The following EGF variants were observed in gnomAD, a reference collection of about 807,000 sequenced individuals.
The protein encoded by EGF is epidermal growth factor, also known as pro-epidermal growth factor.
Under a neutral mutation model 143.8 loss-of-function variants are expected in EGF, and 95 were observed. That is an observed-to-expected ratio of 0.66 (90% CI 0.56 to 0.78). EGF has a LOEUF of 0.78. Among genes scored for constraint, EGF ranks in the 30% least tolerant of loss-of-function variants. EGF has a pLI of 0.00. For missense variants in EGF, 1,320 were observed against 1,470.9 expected, an observed-to-expected ratio of 0.90 and a Z score of 1.68; for synonymous variants, 510 against 510.5, an observed-to-expected ratio of 1.00 and a Z score of 0.01.
At chr4:109,981,607 C>A (rs1227367483) in intron 15 of EGF, among the ~76,000 whole-genome samples, 1 of 151,980 alleles carries the variant, frequency 6.6e-6, no homozygotes, top group African/African-American at 2.4e-5. Flanking sequence ...CAGAAATATA[C>A]CAAAGATAAT....
intron 5 of EGF, chr4:109,959,087 A>G (rs1019509054): frequency 3.5e-6 from 2 of 563,534 alleles, no homozygotes; most frequent in Non-Finnish European, 6.2e-6. Context: ...ATCTCCAGCT[A>G]ATCAGGATGC....
Position 109,980,095 on chromosome 4 carries a change from T to G in EGF, c.2177T>G (p.Leu726Arg). The G allele has an allele frequency of 6.2e-7, 1 of 1,613,572 alleles. No individual in the cohort carries two copies. The highest frequency in any genetic ancestry group is 2.2e-5 in the East Asian group (1 of 44,856). The part of the protein sequence containing the change: ...KDRVRLQGSM[L>R]KPSSLVVVHP... ...AGAGTACGTCTCCAAGGCAGCATGC[T>G]GAAGCCCTCATCACTGGTTGTGGTT... is the stretch of plus-strand genomic sequence containing the variant. Residue 726 changes from leucine (L) to arginine (R), a missense_variant, in exon 14 of 24, where the codon CTG becomes CGG. Leu to Arg is a moderately radical substitution (Grantham distance 102). Coordinates refer to ENST00000265171, the MANE Select transcript of EGF (RefSeq NM_001963.6).
Position 109,943,445 on chromosome 4 carries a change from G to A in EGF, c.509+10G>A, listed in dbSNP as rs1347725329. ...TTGATCCAGTAGAAAGGTAAATTCTGCTGTATTCAGACATTGAAATATATT... is the reference window on the plus strand; with the variant it reads ...TTGATCCAGTAGAAAGGTAAATTCTACTGTATTCAGACATTGAAATATATT... On this transcript the variant is annotated intron_variant, in intron 3 of 23. Coordinates refer to ENST00000265171, the MANE Select transcript of EGF (RefSeq NM_001963.6). The A allele has an allele frequency of 6.2e-7, 1 of 1,609,408 alleles. No homozygotes were observed.
chr4:109,938,431 T>G (rs1385699116), intron 1 of EGF, among the ~76,000 whole-genome samples: 1 of 152,152 alleles, frequency 6.6e-6, no homozygotes, highest in Non-Finnish European at 1.5e-5. Flanking sequence ...TTTTTCAAGG[T>G]TTTTAGCTTC....
chr4:109,933,963 G>C (rs1740289324), intron 1 of EGF, among the ~76,000 whole-genome samples: 1 of 152,118 alleles, frequency 6.6e-6, no homozygotes, highest in Admixed American at 6.5e-5. Flanking sequence ...GGGTCAAATG[G>C]TATTTGTAGT....
At chr4:110,001,343 G>A (rs1163392976) in intron 21 of EGF, among the ~76,000 whole-genome samples, 1 of 152,112 alleles carries the variant, frequency 6.6e-6, no homozygotes, top group African/African-American at 2.4e-5. Context: ...AGAGTCATAT[G>A]CTCTAAGCCC....
At chr4:109,927,255 A>T (rs1738839332) in intron 1 of EGF, among the ~76,000 whole-genome samples, 1 of 152,230 alleles carries the variant, frequency 6.6e-6, no homozygotes, top group Admixed American at 6.5e-5. Flanking sequence ...ATTTTTGTTT[A>T]AAAAAGCTGT....
At chr4:109,972,309 C>A (rs1410860753) in intron 11 of EGF, among the ~76,000 whole-genome samples, 1 of 152,162 alleles carries the variant, frequency 6.6e-6, no homozygotes, top group Non-Finnish European at 1.5e-5. Flanking sequence ...AGGTGAACAC[C>A]TTGGGGGAGC....
chr4:109,952,908 A>G (rs879842281), intron 5 of EGF, among the ~76,000 whole-genome samples: 2 of 152,172 alleles, frequency 1.3e-5, no homozygotes, highest in Non-Finnish European at 1.5e-5. Flanking sequence ...AGGTTTTCAC[A>G]TGCCTGGCTG....
chr4:109,935,530 T>C lies in EGF; in HGVS notation c.128-5416T>C, dbSNP rs148197061. Among the ~76,000 whole-genome samples the C allele has an allele frequency of 5.5e-3, 844 of 152,314 alleles. 14 individuals carry two copies. The highest frequency in any genetic ancestry group is 0.019 in the African/African-American group (789 of 41,576). On this transcript the variant is annotated intron_variant, in intron 1 of 23. Transcript: ENST00000265171. Reference sequence around the variant, plus strand: ...ACAATTTGACGTCCCTTTTTCCTAATTGAATACCCTTTATTTCTTCCTCTT... The same window carrying C: ...ACAATTTGACGTCCCTTTTTCCTAACTGAATACCCTTTATTTCTTCCTCTT...
chr4:110,001,703 C>A, intron 21 of EGF: 2 of 985,400 alleles, frequency 2.0e-6, no homozygotes, highest in Non-Finnish European at 2.4e-6. Context: ...AATTCAAAGA[C>A]CAGCTCAGCT....
chr4:110,006,772 G>A (rs971695), intron 22 of EGF, among the ~76,000 whole-genome samples: 41,053 of 152,196 alleles, frequency 0.27, 10,639 homozygotes, highest in African/African-American at 0.64. Flanking sequence ...GAGCTATGTT[G>A]GGAGGCCTGG....
At chr4:109,989,411 C>T (rs1374877958) in intron 18 of EGF, among the ~76,000 whole-genome samples, 1 of 152,184 alleles carries the variant, frequency 6.6e-6, no homozygotes, top group Non-Finnish European at 1.5e-5. Context: ...TGAAGTTTTA[C>T]AGCGCTTTAA....
chr4:109,913,519 T>C, intron 1 of EGF, 57 bp downstream of exon 1: 1 of 1,597,492 alleles, frequency 6.3e-7, no homozygotes. Context: ...CCCACATCCC[T>C]GTTGGTTCAA....
rs41319247 is a variant in EGF at position 109,979,861 on chromosome 4, A to G, written c.2054-111A>G. The G allele has an allele frequency of 5.5e-4, 727 of 1,319,730 alleles. 4 individuals are homozygous for G. In the African/African-American group the frequency reaches 8.8e-3, roughly 16 times the overall value. 81.8% of individuals were successfully genotyped at this position (1,319,730 alleles called of 1,614,324 possible). On this transcript the variant is annotated intron_variant, in intron 13 of 23. Transcript: ENST00000265171. The stretch of plus-strand genomic sequence containing the variant: ...CTCACTCATAACTTGCTGAGTAGCT[A>G]AAGAGCTGATTTAGTGTAGGAATGT...
chr4:109,980,198 T>C lies in EGF; in HGVS notation c.2221+59T>C, dbSNP rs1016011531. 2.6e-6 allele frequency: 4 copies of C among 1,523,484 alleles called. No homozygotes were observed. In the East Asian group the frequency reaches 6.9e-5, roughly 26 times the overall value. 94.4% of individuals were successfully genotyped at this position (1,523,484 alleles called of 1,614,324 possible). A position where few individuals can be genotyped will look rare whatever the true frequency, so the allele number is the denominator to read the frequency against. ...GGCTGGAATCTGCAACTGTTTTAAT[T>C]GTTTGATGTCATGCAGTTGGCGGGG... is the stretch of plus-strand genomic sequence containing the variant. On this transcript the variant is annotated intron_variant, in intron 14 of 23. Coordinates refer to ENST00000265171, the MANE Select transcript of EGF (RefSeq NM_001963.6).
At chr4:109,994,691 A>T (rs1210445663) in intron 19 of EGF, 42 bp from the exon 20 acceptor site, 1 of 1,606,438 alleles carries the variant, frequency 6.2e-7, no homozygotes, top group African/African-American at 1.3e-5. Context: ...GAAAGACACT[A>T]ATCCATTCAG....
At chr4:109,945,323 C>T (rs1458355509) in intron 5 of EGF, 48 bp downstream of exon 5, 1 of 1,572,998 alleles carries the variant, frequency 6.4e-7, no homozygotes, top group Admixed American at 1.7e-5. Context: ...AGTTCCCACC[C>T]ATTCACCTGC....
intron 1 of EGF, among the ~76,000 whole-genome samples, chr4:109,924,844 G>C (rs1035073966): frequency 6.6e-6 from 1 of 152,098 alleles, no homozygotes; most frequent in African/African-American, 2.4e-5. Context: ...AAGTTAAAAA[G>C]AGAAATTAAC....
Sources: allele counts gnomAD v4.1 joint callset (sites outside exome capture counted in the v4.1 genomes callset), GRCh38; gene constraint gnomAD v4.1.1; transcripts MANE v1.5; gene names NCBI Gene and HGNC (gene_info 2026-07-23, HGNC 2026-07-21).